The following SERPINB9 variants were observed in gnomAD, a reference collection of about 807,000 sequenced individuals.
The protein encoded by SERPINB9 is serpin B9.
A neutral mutation model predicts 27.2 loss-of-function variants in SERPINB9; 20 were observed. That is an observed-to-expected ratio of 0.74 (90% CI 0.52 to 1.07). The LOEUF (loss-of-function observed/expected upper bound fraction) is 1.07, where lower values mean the gene tolerates loss of function less well. SERPINB9 is among the 50% of genes least tolerant of loss of function. The pLI, the probability that SERPINB9 is intolerant of heterozygous loss-of-function variation, is 0.00. For missense variants in SERPINB9, 476 were observed against 460.1 expected (o/e 1.03, Z -0.32); for synonymous variants, 189 against 180.0 (o/e 1.05, Z -0.40).
chr6:2,902,230 C>G (rs572385505), intron 1 of SERPINB9, among the ~76,000 whole-genome samples: 4 of 152,252 alleles, frequency 2.6e-5, no homozygotes, highest in Admixed American at 6.5e-5. Flanking sequence ...CCTCAAACAC[C>G]GCGGCCCGGA....
At chr6:2,897,214 C>G (rs1242660452) in intron 2 of SERPINB9, among the ~76,000 whole-genome samples, 1 of 152,036 alleles carries the variant, frequency 6.6e-6, no homozygotes, top group African/African-American at 2.4e-5. Flanking sequence ...GCCTGTAATC[C>G]CAGCACTTTG....
intron 2 of SERPINB9, among the ~76,000 whole-genome samples, chr6:2,896,450 T>TG (rs138203151): frequency 0.028 from 4,159 of 151,006 alleles, 85 homozygotes; most frequent in South Asian, 0.077. Context: ...AAATTTATAG[T>TG]GAAAAAAAAA....
intron 2 of SERPINB9, among the ~76,000 whole-genome samples, chr6:2,898,646 T>A (rs1412971669): frequency 6.6e-6 from 1 of 152,020 alleles, no homozygotes; most frequent in Non-Finnish European, 1.5e-5. Flanking sequence ...TGAAACCCTG[T>A]CTCTACTAAA....
In SERPINB9 at chr6:2,887,846, CAAAAAAAAAAAAA is replaced by C. The variant is rs35916133; in HGVS notation, c.*2304_*2316del. Reference sequence around the variant, plus strand: ...TGGGTGACAGAGTGAGGCACTGTCTCAAAAAAAAAAAAAAAAAAAAAAAAGATACTGAACTAGG... The same window carrying C: ...TGGGTGACAGAGTGAGGCACTGTCTCAAAAAAAAAAAGATACTGAACTAGG... On this transcript the variant is annotated 3_prime_UTR_variant, in exon 7 of 7. Coordinates refer to ENST00000380698, the MANE Select transcript of SERPINB9 (RefSeq NM_004155.6). 4.8e-5 allele frequency: 3 copies of C among 62,410 alleles called. No homozygotes were observed. The highest frequency in any genetic ancestry group is 1.1e-3 in the East Asian group (2 of 1,764). 3.9% of individuals were successfully genotyped at this position (62,410 alleles called of 1,614,324 possible). A position where few individuals can be genotyped will look rare whatever the true frequency, so the allele number is the denominator to read the frequency against.
Position 2,893,556 on chromosome 6 carries a change from T to C in SERPINB9, c.425-3A>G, listed in dbSNP as rs774200266. The C allele has an allele frequency of 6.2e-7, 1 of 1,612,042 alleles. No homozygotes were observed. The highest frequency in any genetic ancestry group is 8.5e-7 in the Non-Finnish European group (1 of 1,178,888). On this transcript the variant is annotated splice_region_variant and splice_polypyrimidine_tract_variant and intron_variant, in intron 4 of 6. Transcript: ENST00000380698. The stretch of plus-strand genomic sequence containing the variant: ...CGGCAACAACTCTTCAATTTTACCT[T>C]TCAAGAAAAGTAGAGACTACATTCA...
Position 2,900,537 on chromosome 6 carries a change from C to G in SERPINB9, c.75G>C (p.Ser25=). Residue 25 remains serine, a synonymous_variant, in exon 2 of 7, where the codon TCG becomes TCC. Transcript: ENST00000380698. The stretch of plus-strand genomic sequence containing the variant: ...TCACAGGAGAACAGAACACGTTGTG[C>G]GAAGGGTTATCTTGACACAGTATCT... The part of the protein sequence containing the change: ...LLKILCQDNP[S]HNVFCSPVSI... 1 of 1,613,992 alleles carries G rather than the reference C, an allele frequency of 6.2e-7. No individual in the cohort carries two copies. Among genetic ancestry groups the G allele is most frequent in the Non-Finnish European group, 8.5e-7 (1 of 1,179,994 alleles).
intron 1 of SERPINB9, among the ~76,000 whole-genome samples, chr6:2,902,450 T>G (rs952595210): frequency 6.6e-6 from 1 of 152,196 alleles, no homozygotes; most frequent in African/African-American, 2.4e-5. Flanking sequence ...TGGATAAGAG[T>G]GCTCAGATTT....
Position 2,891,305 on chromosome 6 carries a change from A to G in SERPINB9, c.723+528T>C, listed in dbSNP as rs1387665848. On this transcript the variant is annotated intron_variant, in intron 6 of 6. Transcript: ENST00000380698. The surrounding 1 kb of genome is among the most constrained non-coding windows in gnomAD (Gnocchi z 4.0). ...TGCCCCCTCCCAGCCTTGTTAGGTC[A>G]AAGTTAAGACTTCCTCATTCTCTAT... 6.6e-6 allele frequency among the ~76,000 whole-genome samples: 1 copy of G among 152,216 alleles called. No homozygotes were observed. The highest frequency in any genetic ancestry group is 1.5e-5 in the Non-Finnish European group (1 of 68,032).
In SERPINB9 at chr6:2,890,516, T is replaced by C; in HGVS notation, c.778A>G (p.Met260Val). The C allele has an allele frequency of 6.2e-7, 1 of 1,614,198 alleles. No homozygotes were observed. The highest frequency in any genetic ancestry group is 8.5e-7 in the Non-Finnish European group (1 of 1,180,014). The change falls in exon 7 of 7, where the codon ATG becomes GTG. Residue 260 changes from methionine to valine, a missense_variant. Physicochemically the swap from Met to Val is conservative, Grantham distance 21 (BLOSUM62 1). Transcript: ENST00000380698. This position sits in a 1 kb window ranked among gnomAD's most constrained non-coding sequence, Gnocchi z 6.2. ...AGAACTTCAACCTCAGTACTCTTCATACAGTCTGGCTTGGTCCAGGCTGTG... is the reference window on the plus strand; with the variant it reads ...AGAACTTCAACCTCAGTACTCTTCACACAGTCTGGCTTGGTCCAGGCTGTG... ...KLTAWTKPDC[M>V]KSTEVEVLLP...
Position 2,891,961 on chromosome 6 carries a change from A to C in SERPINB9, c.595T>G (p.Tyr199Asp), listed in dbSNP as rs779504915. 3 of 1,613,858 alleles carry C rather than the reference A, an allele frequency of 1.9e-6. No homozygotes were observed. The East Asian group carries it at 6.7e-5, about 36-fold the overall frequency. Residue 199 changes from tyrosine (Y) to aspartate (D), a missense_variant, in exon 6 of 7, where the codon TAT (tyrosine) becomes GAT (aspartate). Tyr to Asp is a radical substitution (Grantham distance 160). Coordinates refer to ENST00000380698, the MANE Select transcript of SERPINB9 (RefSeq NM_004155.6). The surrounding 1 kb of genome is among the most constrained non-coding windows in gnomAD (Gnocchi z 4.0). Reference protein sequence around the residue: ...QEEQRPVQMMYQEATFKLAHV... With the variant: ...QEEQRPVQMMDQEATFKLAHV... The stretch of plus-strand genomic sequence containing the variant: ...GCGAGCTTAAACGTGGCCTCCTGAT[A>C]CATCATCTGCACTGGCCTTTGCTCC...
chr6:2,889,205 T>A lies in SERPINB9; in HGVS notation c.*958A>T, dbSNP rs866646208. On this transcript the variant is annotated 3_prime_UTR_variant, in exon 7 of 7. Transcript: ENST00000380698. The stretch of plus-strand genomic sequence containing the variant: ...TACAATATCATAAAGAAAGATGTGA[T>A]CCCTACAAGAGGATTACGTGGTAAG... 9 of 152,224 alleles carry A rather than the reference T, an allele frequency of 5.9e-5. No homozygotes were observed. Among genetic ancestry groups the A allele is most frequent in the Middle Eastern group, 3.4e-3 (1 of 294 alleles). The allele number at this position is 152,224 out of a possible 1,614,324, so 9.4% of individuals were successfully genotyped here. A position where few individuals can be genotyped will look rare whatever the true frequency, so the allele number is the denominator to read the frequency against.
At position 2,891,600 on chromosome 6, in the gene SERPINB9, C is replaced by G. The variant is rs1767800326; in HGVS notation, c.723+233G>C. Among the ~76,000 whole-genome samples the G allele has an allele frequency of 1.3e-5, 2 of 152,132 alleles. No homozygotes were observed. Among genetic ancestry groups the G allele is most frequent in the Non-Finnish European group, 2.9e-5 (2 of 68,024 alleles). Reference sequence around the variant, plus strand: ...TTTTAAAAGGCATTTTAACCGCCGCCCACTCCTTCTAGCGATGAAAAAACA... The same window carrying G: ...TTTTAAAAGGCATTTTAACCGCCGCGCACTCCTTCTAGCGATGAAAAAACA... On this transcript the variant is annotated intron_variant, in intron 6 of 6. Transcript: ENST00000380698. This position sits in a 1 kb window ranked among gnomAD's most constrained non-coding sequence, Gnocchi z 4.0.
chr6:2,888,484 A>G lies in SERPINB9; in HGVS notation c.*1679T>C, dbSNP rs1387209580. ...TAAATAAATTGTGCTATAAACACAT[A>G]ATACAATTTTATTTGGCCATAAAAA... On this transcript the variant is annotated 3_prime_UTR_variant, in exon 7 of 7. Transcript: ENST00000380698. The G allele has an allele frequency of 6.6e-6, 1 of 152,246 alleles. No homozygotes were observed. The highest frequency in any genetic ancestry group is 1.5e-5 in the Non-Finnish European group (1 of 68,040). 9.4% of individuals were successfully genotyped at this position (152,246 alleles called of 1,614,324 possible).
intron 4 of SERPINB9, among the ~76,000 whole-genome samples, 176 bp from the exon 5 acceptor site, chr6:2,893,729 T>C (rs559180824): frequency 4.7e-4 from 71 of 152,182 alleles, no homozygotes; most frequent in African/African-American, 1.2e-3. Flanking sequence ...TACTGACACC[T>C]TGAGAACATC....
chr6:2,898,685 G>C (rs1768088068), intron 2 of SERPINB9, among the ~76,000 whole-genome samples: 1 of 151,992 alleles, frequency 6.6e-6, no homozygotes, highest in Admixed American at 6.6e-5. Context: ...GTGGGGGCGG[G>C]CACCTGTAGT....
chr6:2,890,218 A>G lies in SERPINB9; in HGVS notation c.1076T>C (p.Ile359Thr). 1.2e-6 allele frequency: 2 copies of G among 1,614,210 alleles called. No homozygotes were observed. ...FCADHPFLFF[I>T]RHNRANSILF... ...AATGCTGTTGGCTCTGTTGTGCCTG[A>G]TGAAGAAAAGGAAAGGGTGGTCAGC... The change falls in exon 7 of 7, where the codon ATC becomes ACC. Residue 359 changes from isoleucine to threonine, a missense_variant. Transcript: ENST00000380698. This position sits in a 1 kb window ranked among gnomAD's most constrained non-coding sequence, Gnocchi z 6.2.
At chr6:2,900,885 T>TCTCACACACACACACACACACACACA (rs61100591) in intron 1 of SERPINB9, among the ~76,000 whole-genome samples, 394 of 141,564 alleles carry the variant, frequency 2.8e-3, no homozygotes, top group East Asian at 0.012. Context: ...GCTCGCTCTC[T>TCTCACACACACACACACACACACACA]CACACACACA....
intron 2 of SERPINB9, 50 bp downstream of exon 2, chr6:2,900,394 G>C: frequency 6.3e-7 from 1 of 1,592,392 alleles, no homozygotes. Flanking sequence ...GCTGGTGACA[G>C]AACACGCAGC....
At position 2,890,552 on chromosome 6, in the gene SERPINB9, A is replaced by G. The variant is rs1192097823; in HGVS notation, c.742T>C (p.Phe248Leu). Residue 248 changes from phenylalanine (F) to leucine (L), a missense_variant, in exon 7 of 7, where the codon TTT (phenylalanine) becomes CTT (leucine). Phe to Leu is a conservative substitution (Grantham distance 22, BLOSUM62 0). Coordinates refer to ENST00000380698, the MANE Select transcript of SERPINB9 (RefSeq NM_004155.6). This position sits in a 1 kb window ranked among gnomAD's most constrained non-coding sequence, Gnocchi z 6.2. ...ELSTVEKSLTFEKLTAWTKPD... is the reference protein window; with the variant it reads ...ELSTVEKSLTLEKLTAWTKPD... ...TTGGTCCAGGCTGTGAGTTTCTCAA[A>G]AGTGAGACTTTTTTCCACCTGAAAG... 1 of 1,606,564 alleles carries G rather than the reference A, an allele frequency of 6.2e-7. No individual in the cohort carries two copies. Among genetic ancestry groups the G allele is most frequent in the Non-Finnish European group, 8.5e-7 (1 of 1,174,094 alleles).
Sources: allele counts gnomAD v4.1 joint callset (sites outside exome capture counted in the v4.1 genomes callset), GRCh38; gene constraint gnomAD v4.1.1; non-coding constraint Gnocchi (gnomAD v3.1); transcripts MANE v1.5; gene names NCBI Gene and HGNC (gene_info 2026-07-23, HGNC 2026-07-21).